Variants in TMBIM6 observed in about 807,000 individuals in gnomAD.
TMBIM6 encodes the protein transmembrane BAX inhibitor motif containing 6.
Under a neutral mutation model 31.4 loss-of-function variants are expected in TMBIM6, and 13 were observed. The ratio of observed to expected loss-of-function variants is 0.41; its 90% CI spans 0.27 to 0.66. The LOEUF is 0.66. Among genes scored for constraint, TMBIM6 ranks in the 30% least tolerant of loss-of-function variants. The pLI, the probability that TMBIM6 is intolerant of heterozygous loss-of-function variation, is 0.28. For missense variants in TMBIM6, 275 were observed against 289.5 expected (o/e 0.95, Z 0.36); for synonymous variants, 85 against 101.7 (o/e 0.84, Z 0.99).
chr12:49,745,401 A>G (rs1281974213), intron 1 of TMBIM6, among the ~76,000 whole-genome samples: 2 of 152,116 alleles, frequency 1.3e-5, no homozygotes, highest in South Asian at 4.1e-4. Context: ...TTACTTTATA[A>G]TGATGCAAAA....
At chr12:49,746,428 TAAC>T (rs1945395555) in intron 1 of TMBIM6, among the ~76,000 whole-genome samples, 2 of 152,190 alleles carry the variant, frequency 1.3e-5, no homozygotes, top group Non-Finnish European at 2.9e-5. Context: ...ACACCAGTAA[TAAC>T]AATGTTAGTA....
rs370509129 is a variant in TMBIM6, at chr12:49,752,593, C to T, written c.56+44C>T. ...ACTGGTTTTGTACTGCATTTCTTTTCATATCTCTTTGTCCCTTTTCTGCAT... is the reference window on the plus strand; with the variant it reads ...ACTGGTTTTGTACTGCATTTCTTTTTATATCTCTTTGTCCCTTTTCTGCAT... On this transcript the variant is annotated intron_variant, in intron 2 of 9. Transcript: ENST00000267115. 153 of 1,457,824 alleles carry T rather than the reference C, an allele frequency of 1.0e-4. No homozygotes were observed. In the African/African-American group the frequency reaches 2.0e-3, roughly 19 times the overall value. The allele number at this position is 1,457,824 out of a possible 1,614,324, so 90.3% of individuals were successfully genotyped here. A position where few individuals can be genotyped will look rare whatever the true frequency, so the allele number is the denominator to read the frequency against.
chr12:49,763,165 C>A lies in TMBIM6; in HGVS notation c.*269C>A. The A allele has an allele frequency of 2.9e-6, 1 of 340,086 alleles. No individual in the cohort carries two copies. The highest frequency in any genetic ancestry group is 5.5e-6 in the Non-Finnish European group (1 of 181,728). The allele number at this position is 340,086 out of a possible 1,614,324, so 21.1% of individuals were successfully genotyped here. ...TCTTCCTCTACTCAGGCAGTCGACC[C>A]GCCACGATGAGAAGTGGGACCAGCA... On this transcript the variant is annotated 3_prime_UTR_variant, in exon 10 of 10. Coordinates refer to ENST00000267115, the MANE Select transcript of TMBIM6 (RefSeq NM_003217.3).
chr12:49,759,579 T>G (rs1945673255), intron 8 of TMBIM6, among the ~76,000 whole-genome samples: 2 of 151,854 alleles, frequency 1.3e-5, no homozygotes, highest in South Asian at 4.2e-4. Flanking sequence ...CTGAGGCCAC[T>G]GGATCGCTTG....
At position 49,759,280 on chromosome 12, in the gene TMBIM6, C is replaced by T. The variant is rs141700505; in HGVS notation, c.573C>T (p.Leu191=). 6.8e-6 allele frequency: 11 copies of T among 1,613,966 alleles called. No homozygotes were observed. In the African/African-American group the frequency reaches 1.3e-4, roughly 20 times the overall value. The stretch of plus-strand genomic sequence containing the variant: ...GCTTCGTCCTTTTTGATACTCAACT[C>T]ATTATTGAAAAGGCCGAACATGGAG... The part of the protein sequence containing the change: ...MCGFVLFDTQ[L]IIEKAEHGDQ... Residue 191 remains leucine, a synonymous_variant, in exon 8 of 10, where the codon CTC becomes CTT. Transcript: ENST00000267115.
chr12:49,757,869 C>T (rs1405056239), intron 4 of TMBIM6, among the ~76,000 whole-genome samples: 1 of 152,176 alleles, frequency 6.6e-6, no homozygotes, highest in East Asian at 1.9e-4. Context: ...CTGTTTTGCT[C>T]TTTATCCTTT....
chr12:49,762,701 A>G (rs372461721), intron 9 of TMBIM6, among the ~76,000 whole-genome samples, 172 bp from the exon 10 acceptor site: 26 of 152,200 alleles, frequency 1.7e-4, no homozygotes, highest in African/African-American at 6.0e-4. Context: ...AACTTTGGGA[A>G]CCACCAGTAG....
chr12:49,744,960 T>C (rs529481299), intron 1 of TMBIM6, among the ~76,000 whole-genome samples: 1 of 152,354 alleles, frequency 6.6e-6, no homozygotes, highest in South Asian at 2.1e-4. Context: ...AAAAATAATT[T>C]ACTGAAGGCA....
chr12:49,761,818 C>G (rs1468893599), intron 9 of TMBIM6, 39 bp downstream of exon 9: 1 of 1,597,100 alleles, frequency 6.3e-7, no homozygotes, highest in South Asian at 1.1e-5. Flanking sequence ...ACAATAATGG[C>G]TCCTGAGCTT....
intron 3 of TMBIM6, among the ~76,000 whole-genome samples, chr12:49,755,106 T>C (rs1945564547): frequency 6.6e-6 from 1 of 151,958 alleles, no homozygotes; most frequent in Non-Finnish European, 1.5e-5. Context: ...TACAGGCGTG[T>C]GCCACCATGC....
chr12:49,761,867 A>C (rs893318558), intron 9 of TMBIM6, 88 bp downstream of exon 9: 1 of 1,301,640 alleles, frequency 7.7e-7, no homozygotes, highest in Admixed American at 1.8e-5. Flanking sequence ...ACTTGCTCAC[A>C]CACTGTGTTA....
At chr12:49,749,396 C>T (rs561783040) in intron 1 of TMBIM6, among the ~76,000 whole-genome samples, 54 of 151,722 alleles carry the variant, frequency 3.6e-4, no homozygotes, top group African/African-American at 1.2e-3. Flanking sequence ...TTGAAAATAC[C>T]GTAAGTTGAA....
intron 1 of TMBIM6, among the ~76,000 whole-genome samples, chr12:49,752,261 A>G (rs913516841): frequency 3.3e-5 from 5 of 152,220 alleles, no homozygotes; most frequent in South Asian, 4.1e-4. Context: ...GATGCATTCA[A>G]TTCCTCTGTC....
chr12:49,758,562 C>A (rs1258173193), intron 6 of TMBIM6, 82 bp downstream of exon 6: 2 of 1,548,626 alleles, frequency 1.3e-6, no homozygotes, highest in African/African-American at 2.7e-5. Context: ...ACCCCTAACT[C>A]CTTTGCGACT....
intron 1 of TMBIM6, among the ~76,000 whole-genome samples, chr12:49,751,758 A>ATTTTTTTTTTT (rs58141027): frequency 1.8e-5 from 2 of 108,572 alleles, no homozygotes; most frequent in African/African-American, 4.1e-5. Flanking sequence ...TAGTGAGATA[A>ATTTTTTTTTTT]TTTTTTTTTT....
Position 49,764,155 on chromosome 12 carries a change from A to G in TMBIM6, c.*1259A>G, listed in dbSNP as rs978083340. 6.6e-6 allele frequency: 1 copy of G among 151,876 alleles called. No individual in the cohort carries two copies. The highest frequency in any genetic ancestry group is 2.4e-5 in the African/African-American group (1 of 41,174). The allele number at this position is 151,876 out of a possible 1,614,324, so 9.4% of individuals were successfully genotyped here. On this transcript the variant is annotated 3_prime_UTR_variant, in exon 10 of 10. Transcript: ENST00000267115. The stretch of plus-strand genomic sequence containing the variant: ...CAATCCCTGCAGTTTTGTGGCTTCA[A>G]GTGTGGGTGGACAGTCCTAATGGGG...
Position 49,758,746 on chromosome 12 carries a change from C to T in TMBIM6, c.497C>T (p.Ser166Phe), listed in dbSNP as rs1472498258. 5.0e-6 allele frequency: 8 copies of T among 1,613,672 alleles called. No individual in the cohort carries two copies. The Admixed American group carries it at 1.0e-4, about 20-fold the overall frequency. ...LSSLGNVFFG[S>F]IWLFQANLYV... is the part of the protein sequence containing the mutation. ...TCCCTGGGGAATGTTTTCTTTGGATCCATTTGGCTTTTCCAGGTAAGACTT... is the reference window on the plus strand; with the variant it reads ...TCCCTGGGGAATGTTTTCTTTGGATTCATTTGGCTTTTCCAGGTAAGACTT... The change falls in exon 7 of 10, where the codon TCC (serine) becomes TTC (phenylalanine). Residue 166 changes from serine (S) to phenylalanine (F), a missense_variant. Coordinates refer to ENST00000267115, the MANE Select transcript of TMBIM6 (RefSeq NM_003217.3).
At chr12:49,750,619 A>T (rs1183069988) in intron 1 of TMBIM6, 1 of 152,182 alleles carries the variant, frequency 6.6e-6, no homozygotes, top group African/African-American at 2.4e-5. Context: ...GATCCGTGTG[A>T]CTCAGAGGAG....
intron 3 of TMBIM6, among the ~76,000 whole-genome samples, chr12:49,753,453 A>C (rs1945533490): frequency 6.6e-6 from 1 of 152,210 alleles, no homozygotes; most frequent in African/African-American, 2.4e-5. Context: ...CAGGAGAGGC[A>C]GGATTGAGAT....
Sources: gnomAD v4.1 joint callset for allele counts (sites outside exome capture counted in the v4.1 genomes callset) on GRCh38, gnomAD v4.1.1 for gene constraint, MANE v1.5 for transcripts, NCBI Gene and HGNC (gene_info 2026-07-23, HGNC 2026-07-21) for gene names.